The following MTOR variants were observed in gnomAD, a reference collection of about 807,000 sequenced individuals.
MTOR encodes mechanistic target of rapamycin kinase, also known as serine/threonine-protein kinase mTOR.
MTOR carries 70 observed loss-of-function variants against 319.8 expected under a neutral mutation model. The ratio of observed to expected loss-of-function variants is 0.22; its 90% CI spans 0.18 to 0.27. The LOEUF (loss-of-function observed/expected upper bound fraction) is 0.27. Ranked by LOEUF, MTOR falls within the 10% of genes least tolerant of loss-of-function variation. The pLI, the probability that MTOR is intolerant of heterozygous loss-of-function variation, is 1.00. For synonymous variants in MTOR, 1,183 were observed against 1,211.4 expected (o/e 0.98, Z 0.49); for missense variants, 1,890 against 3,274.4 (o/e 0.58, Z 10.32).
chr1:11,172,947 G>C (rs1167767975), intron 28 of MTOR, among the ~76,000 whole-genome samples: 2 of 150,162 alleles, frequency 1.3e-5, no homozygotes, highest in African/African-American at 2.4e-5. Context: ...CTTTGTCTCT[G>C]ATTTGAGAAC....
Position 11,115,246 on chromosome 1 carries a change from A to G in MTOR, c.7089+150T>C. 1 of 773,304 alleles carries G rather than the reference A, an allele frequency of 1.3e-6. No homozygotes were observed. The highest frequency in any genetic ancestry group is 2.2e-6 in the Non-Finnish European group (1 of 451,822). The allele number at this position is 773,304 out of a possible 1,614,324, so 47.9% of individuals were successfully genotyped here. A position where few individuals can be genotyped will look rare whatever the true frequency, so the allele number is the denominator to read the frequency against. ...GAGTCCAACTAAGAGCCCAGATTTC[A>G]TTTCTTAGACTGACTTAACTACAGC... On this transcript the variant is annotated intron_variant, in intron 51 of 57. Transcript: ENST00000361445. This position sits in a 1 kb window ranked among gnomAD's most constrained non-coding sequence, Gnocchi z 4.5.
In MTOR at chr1:11,129,723, T is replaced by A. The variant is rs768457587; in HGVS notation, c.5714+15A>T. 1 of 1,609,430 alleles carries A rather than the reference T, an allele frequency of 6.2e-7. No individual in the cohort carries two copies. The highest frequency in any genetic ancestry group is 8.5e-7 in the Non-Finnish European group (1 of 1,175,880). On this transcript the variant is annotated intron_variant, in intron 40 of 57. Transcript: ENST00000361445. The surrounding 1 kb of genome is among the most constrained non-coding windows in gnomAD (Gnocchi z 4.7). ...ACATGGCCTACCAGAGTTGCATCCT[T>A]CCCTTCTCTGATACCTGAGTGTATC... is the stretch of plus-strand genomic sequence containing the variant.
At chr1:11,224,122 T>C (rs1365040938) in intron 19 of MTOR, among the ~76,000 whole-genome samples, 2 of 151,906 alleles carry the variant, frequency 1.3e-5, no homozygotes, top group Non-Finnish European at 2.9e-5. Flanking sequence ...ATAAATGCAA[T>C]TGGCCTAGAA....
At chr1:11,237,571 C>A (rs1557465315) in intron 13 of MTOR, among the ~76,000 whole-genome samples, 1 of 151,906 alleles carries the variant, frequency 6.6e-6, no homozygotes, top group Non-Finnish European at 1.5e-5. Flanking sequence ...GAAATGGGAT[C>A]ACTGGTGACT....
At chr1:11,200,158 A>G (rs1054417200) in intron 26 of MTOR, among the ~76,000 whole-genome samples, 1 of 152,244 alleles carries the variant, frequency 6.6e-6, no homozygotes, top group African/African-American at 2.4e-5. Flanking sequence ...AGAAGTTGGC[A>G]TTAACAAATG....
intron 28 of MTOR, chr1:11,189,749 C>T: frequency 6.2e-7 from 1 of 1,614,126 alleles, no homozygotes. Flanking sequence ...GCCCAAGTTG[C>T]CAACCTTAGC....
chr1:11,164,855 A>G (rs1447699028), intron 29 of MTOR, among the ~76,000 whole-genome samples: 1 of 152,218 alleles, frequency 6.6e-6, no homozygotes, highest in Non-Finnish European at 1.5e-5. Context: ...CCTCAATAAA[A>G]TACTGGCAAA....
intron 28 of MTOR, among the ~76,000 whole-genome samples, chr1:11,191,985 A>G (rs1571120866): frequency 6.6e-6 from 1 of 152,286 alleles, no homozygotes; most frequent in East Asian, 1.9e-4. Context: ...TGGCCCAGCT[A>G]TAGCAGAATA....
chr1:11,228,449 A>G (rs899862947), intron 19 of MTOR, among the ~76,000 whole-genome samples: 1 of 152,130 alleles, frequency 6.6e-6, no homozygotes, highest in Non-Finnish European at 1.5e-5. Flanking sequence ...TCGGCCTCCC[A>G]AAGTGCTAGG....
Position 11,231,370 on chromosome 1 carries a change from T to A in MTOR, c.2579A>T (p.Lys860Met), listed in dbSNP as rs1441440583. 3.7e-6 allele frequency: 6 copies of A among 1,614,220 alleles called. No individual in the cohort carries two copies. Among genetic ancestry groups the A allele is most frequent in the Non-Finnish European group, 5.1e-6 (6 of 1,180,024 alleles). Residue 860 changes from lysine to methionine, a missense_variant, in exon 17 of 58, where the codon AAG becomes ATG. By Grantham distance (95) the Lys-to-Met change is moderately conservative. This residue lies in a region of MTOR where 377 missense variants were observed against 653.9 expected (regional missense o/e 0.58). Coordinates refer to ENST00000361445, the MANE Select transcript of MTOR (RefSeq NM_004958.4). ...TAGCACCTCAAGCAAAGTAGGGTAC[T>A]TCCTGTAGGGCTCTACTACATAGCC... ...STGYVVEPYR[K>M]YPTLLEVLLN...
chr1:11,164,250 G>C (rs1316054540), intron 29 of MTOR, among the ~76,000 whole-genome samples: 1 of 149,852 alleles, frequency 6.7e-6, no homozygotes, highest in East Asian at 2.0e-4. Context: ...CAGGAGAATT[G>C]CATGAACCTG....
Position 11,240,462 on chromosome 1 carries a change from G to A in MTOR, c.1627C>T (p.Leu543=), listed in dbSNP as rs1456033008. The change falls in exon 11 of 58, where the codon CTG becomes TTG. Residue 543 remains leucine (L), a synonymous_variant. Transcript: ENST00000361445. The stretch of plus-strand genomic sequence containing the variant: ...GGTTTGTGCATAAGGACCAGGGACA[G>A]CATTTTCAGTAGCCCATCTTGAATG... ...KDIQDGLLKM[L]SLVLMHKPLR... is the part of the protein sequence containing the mutation. The A allele has an allele frequency of 3.1e-6, 5 of 1,614,140 alleles. No individual in the cohort carries two copies. The highest frequency in any genetic ancestry group is 1.7e-5 in the Admixed American group (1 of 60,006).
chr1:11,112,553 A>G (rs1311706877), intron 54 of MTOR, among the ~76,000 whole-genome samples: 2 of 152,240 alleles, frequency 1.3e-5, no homozygotes, highest in Non-Finnish European at 2.9e-5. Flanking sequence ...GAACCACGAG[A>G]AAACTAGATT....
In MTOR at chr1:11,145,110, C is replaced by A. The variant is rs981884298; in HGVS notation, c.4687-65G>T. ...GGGAGCTTAGGGTTATTTTAGGGCA[C>A]CCCAACTAGCTACAGAAGTTATCTG... On this transcript the variant is annotated intron_variant, in intron 32 of 57. Transcript: ENST00000361445. 25 of 1,326,454 alleles carry A rather than the reference C, an allele frequency of 1.9e-5. 3 individuals carry two copies. The Admixed American group carries it at 2.8e-4, about 15-fold the overall frequency. 82.2% of individuals were successfully genotyped at this position (1,326,454 alleles called of 1,614,324 possible).
chr1:11,212,912 C>T lies in MTOR; in HGVS notation c.3286-4G>A. The T allele has an allele frequency of 6.2e-7, 1 of 1,609,180 alleles. No individual in the cohort carries two copies. The highest frequency in any genetic ancestry group is 8.5e-7 in the Non-Finnish European group (1 of 1,175,684). ...ACAGCTGGATTGCAGCCAGTAACTG[C>T]AAAAGGGAGCAAAAGCATGGTGATG... On this transcript the variant is annotated splice_region_variant and splice_polypyrimidine_tract_variant and intron_variant, in intron 21 of 57. Coordinates refer to ENST00000361445, the MANE Select transcript of MTOR (RefSeq NM_004958.4). The surrounding 1 kb of genome is among the most constrained non-coding windows in gnomAD (Gnocchi z 4.1).
chr1:11,127,798 C>T lies in MTOR; in HGVS notation c.6042G>A (p.Glu2014=), dbSNP rs1046792505. ...TLVQQAMMVS[E]ELIRVAILWH... ...AGAGGATGGCCACTCGGATCAGCTCCTCGCTCACCTGAAGCCAAGAGAAGA... is the reference window on the plus strand; with the variant it reads ...AGAGGATGGCCACTCGGATCAGCTCTTCGCTCACCTGAAGCCAAGAGAAGA... Residue 2014 remains glutamate, a synonymous_variant, in exon 44 of 58, where the codon GAG becomes GAA. Coordinates refer to ENST00000361445, the MANE Select transcript of MTOR (RefSeq NM_004958.4). The surrounding 1 kb of genome is among the most constrained non-coding windows in gnomAD (Gnocchi z 5.5). 3.1e-6 allele frequency: 5 copies of T among 1,612,182 alleles called. No homozygotes were observed. The highest frequency in any genetic ancestry group is 4.2e-6 in the Non-Finnish European group (5 of 1,179,028).
intron 18 of MTOR, among the ~76,000 whole-genome samples, chr1:11,230,018 G>A (rs1646965653): frequency 6.6e-6 from 1 of 151,650 alleles, no homozygotes; most frequent in Admixed American, 6.6e-5. Flanking sequence ...ATGGGCAACA[G>A]ACCACCAGAA....
chr1:11,134,012 A>G (rs533414718), intron 37 of MTOR, among the ~76,000 whole-genome samples: 1 of 152,188 alleles, frequency 6.6e-6, no homozygotes, highest in African/African-American at 2.4e-5. Context: ...GCTTAAGCCC[A>G]GGAGATCAAG....
chr1:11,233,167 A>G (rs755542013), intron 15 of MTOR: 7 of 919,458 alleles, frequency 7.6e-6, no homozygotes, highest in African/African-American at 5.1e-5. Context: ...GAAGGTCACA[A>G]TGATATTACC....
Sources: gnomAD v4.1 joint callset for allele counts (sites outside exome capture counted in the v4.1 genomes callset) on GRCh38, gnomAD v4.1.1 for gene constraint, gnomAD v4.1.1 regional missense constraint, Gnocchi (gnomAD v3.1) non-coding constraint, MANE v1.5 for transcripts, NCBI Gene and HGNC (gene_info 2026-07-23, HGNC 2026-07-21) for gene names.